CACNA1A: variants seen among roughly 807,000 people sequenced by gnomAD.
The protein encoded by CACNA1A is calcium voltage-gated channel subunit alpha1 A, also known as voltage-dependent P/Q-type calcium channel subunit alpha-1A.
CACNA1A carries 57 observed loss-of-function variants against 262.4 expected under a neutral mutation model. The observed-to-expected ratio is 0.22, with a 90% CI of 0.18 to 0.27. The LOEUF (loss-of-function observed/expected upper bound fraction) is 0.27. Among genes scored for constraint, CACNA1A ranks in the 10% least tolerant of loss-of-function variants. The pLI is 1.00. For missense variants in CACNA1A, 2,526 were observed against 3,562.8 expected (o/e 0.71, Z 7.41); for synonymous variants, 1,431 against 1,419.3 (o/e 1.01, Z -0.18).
chr19:13,350,964 G>A (rs898307695), intron 6 of CACNA1A, among the ~76,000 whole-genome samples: 1 of 152,154 alleles, frequency 6.6e-6, no homozygotes, highest in Non-Finnish European at 1.5e-5. Flanking sequence ...TTGCATCATC[G>A]CACTCCAGCT....
intron 37 of CACNA1A, chr19:13,226,204 C>G (rs539613642): frequency 7.2e-6 from 1 of 138,134 alleles, no homozygotes; most frequent in Non-Finnish European, 1.5e-5. Flanking sequence ...CTTGCACATG[C>G]GCACACATTC....
intron 38 of CACNA1A, among the ~76,000 whole-genome samples, chr19:13,222,486 C>G (rs958384579): frequency 1.3e-5 from 2 of 149,740 alleles, no homozygotes; most frequent in East Asian, 3.9e-4. Flanking sequence ...ACCTCTGCCT[C>G]TCGGGTTCAA....
At chr19:13,487,187 A>C (rs1239002905) in intron 1 of CACNA1A, among the ~76,000 whole-genome samples, 1 of 152,180 alleles carries the variant, frequency 6.6e-6, no homozygotes, top group Non-Finnish European at 1.5e-5. Flanking sequence ...TAAATATTTA[A>C]CTAGGAGAAA....
intron 5 of CACNA1A, among the ~76,000 whole-genome samples, chr19:13,360,800 C>G (rs556594595): frequency 3.3e-5 from 5 of 152,176 alleles, no homozygotes; most frequent in Non-Finnish European, 7.4e-5. Flanking sequence ...AAGCAAAGCT[C>G]AGACATCATA....
intron 27 of CACNA1A, 43 bp downstream of exon 27, chr19:13,259,520 TC>T (rs748795118): frequency 1.3e-6 from 2 of 1,560,368 alleles, no homozygotes; most frequent in African/African-American, 2.7e-5. Context: ...ATCCTCCTGC[TC>T]CCCAGGGCTC....
At chr19:13,276,014 T>G (rs2057138812) in intron 23 of CACNA1A, 58 bp from the exon 24 acceptor site, 2 of 1,112,546 alleles carry the variant, frequency 1.8e-6, no homozygotes, top group African/African-American at 3.1e-5. Flanking sequence ...CCTGGGGTGC[T>G]GCCACCCACT....
At chr19:13,393,544 C>T (rs1461854907) in intron 3 of CACNA1A, among the ~76,000 whole-genome samples, 1 of 136,812 alleles carries the variant, frequency 7.3e-6, no homozygotes, top group Non-Finnish European at 1.6e-5. Flanking sequence ...TTCCTCGAAG[C>T]TGCAGCTGTT....
At chr19:13,226,190 C>T (rs1399114179) in intron 37 of CACNA1A, 1 of 149,902 alleles carries the variant, frequency 6.7e-6, no homozygotes, top group Non-Finnish European at 1.5e-5. Flanking sequence ...CTCGCCCTCC[C>T]TCTCTTGCAC....
chr19:13,409,693 G>A (rs1963125467), intron 3 of CACNA1A, among the ~76,000 whole-genome samples: 1 of 152,102 alleles, frequency 6.6e-6, no homozygotes, highest in South Asian at 2.1e-4. Context: ...CTACGTGCAT[G>A]CCACTATACC....
intron 22 of CACNA1A, among the ~76,000 whole-genome samples, chr19:13,279,611 A>C (rs566931564): frequency 6.6e-6 from 1 of 151,630 alleles, no homozygotes; most frequent in African/African-American, 2.4e-5. Context: ...TCAGCCTCCA[A>C]GTGTCTGGGA....
intron 43 of CACNA1A, 37 bp from the exon 44 acceptor site, chr19:13,210,689 A>C: frequency 6.4e-7 from 1 of 1,552,310 alleles, no homozygotes; most frequent in Non-Finnish European, 8.7e-7. Flanking sequence ...CACAGAAAAA[A>C]CAGAAAGAAG....
At chr19:13,329,121 A>G (rs2058422362) in intron 10 of CACNA1A, among the ~76,000 whole-genome samples, 1 of 152,234 alleles carries the variant, frequency 6.6e-6, no homozygotes, top group Non-Finnish European at 1.5e-5. Flanking sequence ...TAGAAGGTCA[A>G]AATCAACATC....
chr19:13,383,043 G>A (rs568145000), intron 3 of CACNA1A, among the ~76,000 whole-genome samples: 1 of 152,174 alleles, frequency 6.6e-6, no homozygotes, highest in African/African-American at 2.4e-5. Context: ...GCGGGGTGAG[G>A]GGCAACGGTG....
intron 6 of CACNA1A, among the ~76,000 whole-genome samples, chr19:13,336,638 A>G (rs900427569): frequency 4.7e-5 from 7 of 149,760 alleles, no homozygotes; most frequent in African/African-American, 9.9e-5. Context: ...AGAGAGAGAG[A>G]GAAAAGAATG....
At chr19:13,235,952 A>C in intron 31 of CACNA1A, 1 of 489,474 alleles carries the variant, frequency 2.0e-6, no homozygotes, top group East Asian at 3.1e-5. Context: ...AGGAAAAGGC[A>C]TCAACTCAAA....
In CACNA1A at chr19:13,360,024, G is replaced by GT. The variant is rs200920495; in HGVS notation, c.785-226dup. 0.079 allele frequency among the ~76,000 whole-genome samples: 11,094 copies of GT among 140,316 alleles called. 500 individuals carry two copies. The highest frequency in any genetic ancestry group is 0.15 in the Admixed American group (2,172 of 14,024). 92.1% of individuals were successfully genotyped at this position (140,316 alleles called of 152,430 possible). A position where few individuals can be genotyped will look rare whatever the true frequency, so the allele number is the denominator to read the frequency against. On this transcript the variant is annotated intron_variant, in intron 5 of 46. Coordinates refer to ENST00000360228, the MANE Select transcript of CACNA1A (RefSeq NM_001127222.2). ...ACTTTTCTCTTTATGTTTTCCATGA[G>GT]TTTTTTTTTTTTTTCTATTCTTTTC...
chr19:13,334,146 C>G lies in CACNA1A; in HGVS notation c.1198+232G>C. The G allele has an allele frequency of 9.9e-6, 5 of 505,392 alleles. No individual in the cohort carries two copies. In the Admixed American group the frequency reaches 1.3e-4, roughly 13 times the overall value. 31.3% of individuals were successfully genotyped at this position (505,392 alleles called of 1,614,324 possible). ...AAAGTGGCAGGGCCGGGATGTAAAC[C>G]AGCGTCTGATTTCAGAATTCAAGTT... is the stretch of plus-strand genomic sequence containing the variant. On this transcript the variant is annotated intron_variant, in intron 8 of 46. Coordinates refer to ENST00000360228, the MANE Select transcript of CACNA1A (RefSeq NM_001127222.2).
In CACNA1A at chr19:13,255,200, G is replaced by C; in HGVS notation, c.4650C>G (p.Asn1550Lys). The C allele has an allele frequency of 1.2e-6, 2 of 1,612,696 alleles. No individual in the cohort carries two copies. Among genetic ancestry groups the C allele is most frequent in the Non-Finnish European group, 1.7e-6 (2 of 1,178,790 alleles). Residue 1550 changes from asparagine (N) to lysine (K), a missense_variant, in exon 29 of 47, where the codon AAC (asparagine) becomes AAG (lysine). By Grantham distance (94) the Asn-to-Lys change is moderately conservative (BLOSUM62 0). Coordinates refer to ENST00000360228, the MANE Select transcript of CACNA1A (RefSeq NM_001127222.2). ...AKPLTRHMPQ[N>K]KQSFQYRMWQ... is the part of the protein sequence containing the mutation. ...ACATGCGGTACTGGAAGCTCTGCTT[G>C]TTCTGCGGCATGTGTCGGGTCAGCG...
intron 40 of CACNA1A, among the ~76,000 whole-genome samples, chr19:13,213,115 A>G (rs1164849183): frequency 1.3e-5 from 2 of 152,166 alleles, no homozygotes; most frequent in African/African-American, 4.8e-5. Flanking sequence ...AAAAAGCCAG[A>G]GTCCTTCCTG....
Sources: gnomAD v4.1 joint callset for allele counts (sites outside exome capture counted in the v4.1 genomes callset) on GRCh38, gnomAD v4.1.1 for gene constraint, MANE v1.5 for transcripts, NCBI Gene and HGNC (gene_info 2026-07-23, HGNC 2026-07-21) for gene names.